Variants in ABHD17C observed in about 807,000 individuals in gnomAD.
The protein encoded by ABHD17C is alpha/beta hydrolase domain-containing protein 17C.
A neutral mutation model predicts 27.9 loss-of-function variants in ABHD17C; 11 were observed. That is an observed-to-expected ratio of 0.39 (90% confidence interval 0.25 to 0.65). The LOEUF (loss-of-function observed/expected upper bound fraction) is 0.65, where lower values mean the gene tolerates loss of function less well. Ranked by LOEUF, ABHD17C falls within the 30% of genes least tolerant of loss-of-function variation. ABHD17C has a pLI of 0.45. For missense variants in ABHD17C, 280 were observed against 470.2 expected, an observed-to-expected ratio of 0.60 and a Z score of 3.74; for synonymous variants, 233 against 209.1, an observed-to-expected ratio of 1.11 and a Z score of -0.98.
chr15:80,733,260 C>T (rs961155171), intron 1 of ABHD17C, among the ~76,000 whole-genome samples: 3 of 152,144 alleles, frequency 2.0e-5, no homozygotes, highest in African/African-American at 7.2e-5. Flanking sequence ...CTGTTTTAGT[C>T]CAGCATTAAG....
At chr15:80,723,486 T>C (rs1295445200) in intron 1 of ABHD17C, among the ~76,000 whole-genome samples, 3 of 152,212 alleles carry the variant, frequency 2.0e-5, no homozygotes, top group Non-Finnish European at 4.4e-5. Flanking sequence ...ATGCTCATTA[T>C]CTCTTGTTGA....
At chr15:80,713,638 T>C (rs1894760290) in intron 1 of ABHD17C, among the ~76,000 whole-genome samples, 1 of 151,812 alleles carries the variant, frequency 6.6e-6, no homozygotes. Context: ...TGAAACTCCG[T>C]CTCTACTAAA....
chr15:80,723,936 C>T (rs1392752983), intron 1 of ABHD17C, among the ~76,000 whole-genome samples: 1 of 152,184 alleles, frequency 6.6e-6, no homozygotes, highest in African/African-American at 2.4e-5. Context: ...GGTGCAGTAG[C>T]TCGCACCTGT....
At chr15:80,717,702 C>T (rs895790483) in intron 1 of ABHD17C, among the ~76,000 whole-genome samples, 3 of 152,178 alleles carry the variant, frequency 2.0e-5, no homozygotes, top group African/African-American at 7.2e-5. Context: ...TGCATTTTAA[C>T]AGTGGTTTTA....
At position 80,702,998 on chromosome 15, in the gene ABHD17C, G is replaced by A. The variant is rs150030114; in HGVS notation, c.590+6979G>A. Reference sequence around the variant, plus strand: ...TGTGCAGCTGTAACAGAAGATCTGCGACTGGATAGTTTATAAAGAAAGAGG... The same window carrying A: ...TGTGCAGCTGTAACAGAAGATCTGCAACTGGATAGTTTATAAAGAAAGAGG... On this transcript the variant is annotated intron_variant, in intron 1 of 2. Coordinates refer to ENST00000258884, the MANE Select transcript of ABHD17C (RefSeq NM_021214.2). 3.6e-4 allele frequency: 55 copies of A among 152,322 alleles called. 1 individual carries two copies. The highest frequency in any genetic ancestry group is 1.3e-3 in the African/African-American group (54 of 41,560). The allele number at this position is 152,322 out of a possible 1,614,324, so 9.4% of individuals were successfully genotyped here. A position where few individuals can be genotyped will look rare whatever the true frequency, so the allele number is the denominator to read the frequency against.
chr15:80,737,976 T>A (rs955762866), intron 1 of ABHD17C, among the ~76,000 whole-genome samples: 1 of 152,090 alleles, frequency 6.6e-6, no homozygotes, highest in African/African-American at 2.4e-5. Flanking sequence ...TTTTTTTTTC[T>A]TTTTTCAAGG....
At chr15:80,734,409 A>G (rs149824959) in intron 1 of ABHD17C, among the ~76,000 whole-genome samples, 41 of 152,350 alleles carry the variant, frequency 2.7e-4, no homozygotes, top group African/African-American at 9.6e-4. Flanking sequence ...TGGCTTTTCC[A>G]ACATGTTAAA....
intron 1 of ABHD17C, among the ~76,000 whole-genome samples, chr15:80,733,637 G>A (rs964302495): frequency 5.3e-5 from 8 of 152,176 alleles, no homozygotes; most frequent in Non-Finnish European, 1.2e-4. Context: ...AAACATCTCA[G>A]CAGTTTTAGT....
intron 1 of ABHD17C, among the ~76,000 whole-genome samples, chr15:80,747,358 C>G (rs1484790863): frequency 2.0e-5 from 3 of 152,104 alleles, no homozygotes; most frequent in African/African-American, 7.2e-5. Context: ...ACTCCCTGGA[C>G]TTGAGGTTAA....
intron 1 of ABHD17C, among the ~76,000 whole-genome samples, chr15:80,728,173 A>T (rs1403997162): frequency 1.3e-5 from 2 of 152,184 alleles, no homozygotes; most frequent in African/African-American, 4.8e-5. Flanking sequence ...TCATCACTTT[A>T]TTATACTTTA....
At chr15:80,745,873 A>C (rs1209921189) in intron 1 of ABHD17C, among the ~76,000 whole-genome samples, 1 of 152,194 alleles carries the variant, frequency 6.6e-6, no homozygotes, top group Non-Finnish European at 1.5e-5. Flanking sequence ...GATATACCTT[A>C]GGGCTGTCTC....
chr15:80,724,910 T>C (rs1012034143), intron 1 of ABHD17C, among the ~76,000 whole-genome samples: 1 of 152,250 alleles, frequency 6.6e-6, no homozygotes, highest in Non-Finnish European at 1.5e-5. Flanking sequence ...ATGCTTTTAC[T>C]TTGACAATTT....
chr15:80,714,823 T>C (rs1894781105), intron 1 of ABHD17C, among the ~76,000 whole-genome samples: 2 of 152,230 alleles, frequency 1.3e-5, no homozygotes, highest in Admixed American at 1.3e-4. Context: ...TGTTACTTAA[T>C]ATATTTTTGG....
At chr15:80,745,593 C>T (rs1016726892) in intron 1 of ABHD17C, among the ~76,000 whole-genome samples, 1 of 152,196 alleles carries the variant, frequency 6.6e-6, no homozygotes, top group Middle Eastern at 3.4e-3. Flanking sequence ...TCTCAAACTA[C>T]TGGTCTCAAG....
intron 1 of ABHD17C, among the ~76,000 whole-genome samples, chr15:80,720,212 A>T (rs1894874386): frequency 6.6e-6 from 1 of 150,728 alleles, no homozygotes; most frequent in Admixed American, 6.6e-5. Flanking sequence ...TGTCTTTTGG[A>T]ACCTTTCACT....
chr15:80,740,332 C>T (rs1423279922), intron 1 of ABHD17C, among the ~76,000 whole-genome samples: 2 of 152,138 alleles, frequency 1.3e-5, no homozygotes, highest in South Asian at 2.1e-4. Flanking sequence ...AGACTCTGAT[C>T]AGAAACATCA....
At chr15:80,714,285 A>C (rs938262841) in intron 1 of ABHD17C, among the ~76,000 whole-genome samples, 2 of 152,176 alleles carry the variant, frequency 1.3e-5, no homozygotes, top group African/African-American at 4.8e-5. Context: ...GGCAGTTTGC[A>C]TTAGATTGTA....
At chr15:80,751,864 A>C (rs991882866) in intron 2 of ABHD17C, among the ~76,000 whole-genome samples, 1 of 152,250 alleles carries the variant, frequency 6.6e-6, no homozygotes, top group African/African-American at 2.4e-5. Context: ...TAATGGTTGC[A>C]TTGACTTTCA....
intron 1 of ABHD17C, among the ~76,000 whole-genome samples, chr15:80,721,151 G>A (rs1326220251): frequency 1.3e-5 from 2 of 150,422 alleles, no homozygotes; most frequent in Non-Finnish European, 2.9e-5. Flanking sequence ...ATTCTGAGAG[G>A]CCTCTTCAAC....
Sources: gnomAD v4.1 joint callset for allele counts (sites outside exome capture counted in the v4.1 genomes callset) on GRCh38, gnomAD v4.1.1 for gene constraint, MANE v1.5 for transcripts, NCBI Gene and HGNC (gene_info 2026-07-23, HGNC 2026-07-21) for gene names.